The following STIM1 variants were observed in gnomAD, a reference collection of about 807,000 sequenced individuals.
STIM1 encodes stromal interaction molecule 1.
Under a neutral mutation model 74.7 loss-of-function variants are expected in STIM1, and 25 were observed. The ratio of observed to expected loss-of-function variants is 0.33; its 90% CI spans 0.24 to 0.47. The LOEUF (loss-of-function observed/expected upper bound fraction) is 0.47, where lower values mean the gene tolerates loss of function less well. Ranked by LOEUF, STIM1 falls within the 20% of genes least tolerant of loss-of-function variation. The pLI, the probability that STIM1 is intolerant of heterozygous loss-of-function variation, is 1.00. For missense variants in STIM1, 728 were observed against 920.8 expected, an observed-to-expected ratio of 0.79 and a Z score of 2.71; for synonymous variants, 328 against 348.8, an observed-to-expected ratio of 0.94 and a Z score of 0.66.
chr11:3,978,372 T>G (rs568768940), intron 2 of STIM1, among the ~76,000 whole-genome samples: 5 of 150,042 alleles, frequency 3.3e-5, no homozygotes, highest in African/African-American at 1.2e-4. Flanking sequence ...GGTTTCAAAC[T>G]TCTGACCTCA....
At chr11:4,011,943 G>A (rs985350041) in intron 2 of STIM1, among the ~76,000 whole-genome samples, 2 of 152,126 alleles carry the variant, frequency 1.3e-5, no homozygotes, top group African/African-American at 4.8e-5. Context: ...TTTACATATG[G>A]CTAGCCAGTT....
rs201245746 is a variant in STIM1 at position 3,967,561 on chromosome 11, G to A, written c.149G>A (p.Arg50Gln). The stretch of plus-strand genomic sequence containing the variant: ...TGCTTTTCTTACACAGAGTTTTGCC[G>A]AATTGACAAGCCCCTGTGTCACAGT... ...SEESTAAEFCRIDKPLCHSED... is the reference protein window; with the variant it reads ...SEESTAAEFCQIDKPLCHSED... Residue 50 changes from arginine (R) to glutamine (Q), a missense_variant, in exon 2 of 13, where the codon CGA becomes CAA. Physicochemically the swap from Arg to Gln is conservative, Grantham distance 43 (BLOSUM62 1). This residue lies in a region of STIM1 where 51 missense variants were observed against 101.1 expected (regional missense o/e 0.50). Transcript: ENST00000526596. 2.5e-5 allele frequency: 40 copies of A among 1,614,006 alleles called. No homozygotes were observed. Among genetic ancestry groups the A allele is most frequent in the Admixed American group, 3.3e-5 (2 of 60,004 alleles).
intron 3 of STIM1, among the ~76,000 whole-genome samples, chr11:4,049,124 G>A (rs192944183): frequency 7.9e-5 from 12 of 152,206 alleles, no homozygotes; most frequent in African/African-American, 2.9e-4. Context: ...AGTGCTCCAC[G>A]TATGGTGATG....
In STIM1 at chr11:4,076,485, C is replaced by CAA. The variant is rs58804386; in HGVS notation, c.969+1837_969+1838dup. On this transcript the variant is annotated intron_variant, in intron 7 of 12. Coordinates refer to ENST00000526596, the MANE Select transcript of STIM1 (RefSeq NM_001382567.1). ...TGGGTGACAGAGTGAGACTCCATCT[C>CAA]AAAAAAAAAAAAAAAAAAAAAAAAA... Among the ~76,000 whole-genome samples, 312 of 40,764 alleles carry CAA rather than the reference C, an allele frequency of 7.7e-3. 17 individuals are homozygous for CAA. Among genetic ancestry groups the CAA allele is most frequent in the African/African-American group, 0.025 (227 of 8,912 alleles). The allele number at this position is 40,764 out of a possible 152,430, so 26.7% of individuals were successfully genotyped here. A position where few individuals can be genotyped will look rare whatever the true frequency, so the allele number is the denominator to read the frequency against.
chr11:4,000,331 C>T (rs890717918), intron 2 of STIM1, among the ~76,000 whole-genome samples: 2 of 151,416 alleles, frequency 1.3e-5, no homozygotes, highest in Admixed American at 6.6e-5. Context: ...CTGGGAGGCA[C>T]CCCCCAGTAG....
intron 2 of STIM1, among the ~76,000 whole-genome samples, chr11:3,990,195 G>T (rs2093597306): frequency 6.6e-6 from 1 of 152,138 alleles, no homozygotes; most frequent in South Asian, 2.1e-4. Flanking sequence ...TTTTCAAGGT[G>T]CATTCATGTT....
intron 1 of STIM1, among the ~76,000 whole-genome samples, chr11:3,875,792 G>A (rs1050492616): frequency 6.6e-6 from 1 of 150,594 alleles, no homozygotes; most frequent in South Asian, 2.1e-4. Context: ...TAGTTAAAAC[G>A]CCTTTAGTGG....
chr11:4,057,990 C>T (rs949507536), intron 4 of STIM1, among the ~76,000 whole-genome samples: 3 of 152,212 alleles, frequency 2.0e-5, no homozygotes, highest in African/African-American at 7.2e-5. Context: ...ACAGTAGTTG[C>T]TTAGTCAGTG....
At chr11:3,967,864 G>A (rs1176070448) in intron 2 of STIM1, among the ~76,000 whole-genome samples, 182 bp downstream of exon 2, 1 of 152,180 alleles carries the variant, frequency 6.6e-6, no homozygotes, top group African/African-American at 2.4e-5. Flanking sequence ...GCCTGTCAGA[G>A]TGTAGGCTTT....
chr11:3,855,407 G>A (rs528873348), upstream of STIM1: 1 of 152,308 alleles, frequency 6.6e-6, no homozygotes, highest in African/African-American at 2.4e-5. Context: ...GTTGGCGCTG[G>A]AGACTCTCGG....
chr11:3,996,567 G>A (rs2093665269), intron 2 of STIM1, among the ~76,000 whole-genome samples: 1 of 152,180 alleles, frequency 6.6e-6, no homozygotes, highest in African/African-American at 2.4e-5. Context: ...GAGAGAGAAG[G>A]TCTGTGTTTA....
chr11:4,025,311 T>C (rs2093990046), intron 3 of STIM1, among the ~76,000 whole-genome samples: 1 of 152,204 alleles, frequency 6.6e-6, no homozygotes, highest in Non-Finnish European at 1.5e-5. Flanking sequence ...GATTATGGGA[T>C]GGACAGGCTG....
At chr11:3,943,025 G>T (rs1024030562) in intron 1 of STIM1, among the ~76,000 whole-genome samples, 1 of 152,154 alleles carries the variant, frequency 6.6e-6, no homozygotes, top group African/African-American at 2.4e-5. Flanking sequence ...AAGCAACCAG[G>T]GTTATATCAT....
At chr11:3,897,951 T>C (rs2092236785) in intron 1 of STIM1, among the ~76,000 whole-genome samples, 5 of 152,210 alleles carry the variant, frequency 3.3e-5, no homozygotes, top group Admixed American at 2.6e-4. Context: ...TCTTTGCTGT[T>C]GTGAATAATG....
chr11:3,926,338 C>A (rs771058983), intron 1 of STIM1, among the ~76,000 whole-genome samples: 124 of 152,088 alleles, frequency 8.2e-4, no homozygotes, highest in Admixed American at 4.5e-3. Flanking sequence ...ACATACAGAC[C>A]CAGAGAGGGC....
At chr11:4,060,771 T>C (rs932144314) in intron 5 of STIM1, among the ~76,000 whole-genome samples, 2 of 152,168 alleles carry the variant, frequency 1.3e-5, no homozygotes, top group Admixed American at 1.3e-4. Flanking sequence ...TCAACAAATA[T>C]AGTAAAGTGT....
chr11:3,976,145 G>A (rs370357684), intron 2 of STIM1, among the ~76,000 whole-genome samples: 2 of 152,224 alleles, frequency 1.3e-5, no homozygotes, highest in African/African-American at 4.8e-5. Context: ...ATAAAGGCAT[G>A]AATTTTTTGG....
chr11:3,986,539 A>G (rs549138168), intron 2 of STIM1, among the ~76,000 whole-genome samples: 1 of 152,294 alleles, frequency 6.6e-6, no homozygotes, highest in East Asian at 1.9e-4. Flanking sequence ...AAGTAAACAG[A>G]GCTGGCCCTA....
At chr11:4,083,603 G>C in intron 10 of STIM1, 105 bp downstream of exon 10, 1 of 1,093,944 alleles carries the variant, frequency 9.1e-7, no homozygotes, top group Admixed American at 2.0e-5. Flanking sequence ...AGATACCCAG[G>C]AAGATAGTTC....
Sources: gnomAD v4.1 joint callset for allele counts (sites outside exome capture counted in the v4.1 genomes callset) on GRCh38, gnomAD v4.1.1 for gene constraint, gnomAD v4.1.1 regional missense constraint, MANE v1.5 for transcripts, NCBI Gene and HGNC (gene_info 2026-07-23, HGNC 2026-07-21) for gene names.